Variants in DPF3 observed in about 807,000 individuals in gnomAD.
DPF3 encodes double PHD fingers 3.
In DPF3, 18 loss-of-function variants were observed where a neutral mutation model predicts 56.8. The ratio of observed to expected loss-of-function variants is 0.32; its 90% CI spans 0.22 to 0.47. The LOEUF is 0.47. Among genes scored for constraint, DPF3 ranks in the 20% least tolerant of loss-of-function variants. DPF3 has a pLI of 1.00. For synonymous variants in DPF3, 188 were observed against 180.2 expected (o/e 1.04, Z -0.35); for missense variants, 403 against 488.8 (o/e 0.82, Z 1.65).
chr14:72,873,004 A>G (rs933932213), intron 1 of DPF3, among the ~76,000 whole-genome samples: 1 of 152,258 alleles, frequency 6.6e-6, no homozygotes, highest in Non-Finnish European at 1.5e-5. Flanking sequence ...TTCAGGACAT[A>G]GGCATAGGCA....
At chr14:72,707,436 G>T (rs985095856) in intron 6 of DPF3, among the ~76,000 whole-genome samples, 1 of 152,274 alleles carries the variant, frequency 6.6e-6, no homozygotes, top group Middle Eastern at 3.4e-3. Flanking sequence ...AGTTTACAGG[G>T]GCAGTGCTTT....
At position 72,610,898 on chromosome 14, in the gene DPF3, C is replaced by T. The variant is rs1883684488; in HGVS notation, c.*8399G>A. ...TGCCTCACCCCTTCCACCAGCAGGG[C>T]CATTCAGAGAAGTCTTGGCTCAAAA... On this transcript the variant is annotated 3_prime_UTR_variant, in exon 11 of 11. Coordinates refer to ENST00000556509, the MANE Select transcript of DPF3 (RefSeq NM_001280542.3). Among the ~76,000 whole-genome samples, 1 of 152,216 alleles carries T rather than the reference C, an allele frequency of 6.6e-6. No homozygotes were observed. Among genetic ancestry groups the T allele is most frequent in the African/African-American group, 2.4e-5 (1 of 41,452 alleles).
chr14:72,892,514 ATTTC>A, intron 1 of DPF3: 1 of 1,393,652 alleles, frequency 7.2e-7, no homozygotes, highest in East Asian at 2.7e-5. Flanking sequence ...CCCTTTCCCT[ATTTC>A]TGATGGGCGA....
At chr14:72,843,739 TC>T (rs1456066890) in intron 1 of DPF3, among the ~76,000 whole-genome samples, 1 of 152,134 alleles carries the variant, frequency 6.6e-6, no homozygotes, top group Admixed American at 6.5e-5. Flanking sequence ...ATGGGGTTTC[TC>T]CATGTTGGTC....
At position 72,614,748 on chromosome 14, in the gene DPF3, T is replaced by C. The variant is rs1294650372; in HGVS notation, c.*4549A>G. Among the ~76,000 whole-genome samples, 3 of 115,216 alleles carry C rather than the reference T, an allele frequency of 2.6e-5. No individual in the cohort carries two copies. Among genetic ancestry groups the C allele is most frequent in the Non-Finnish European group, 5.0e-5 (3 of 59,586 alleles). 75.6% of individuals were successfully genotyped at this position (115,216 alleles called of 152,430 possible). ...CCTTTTTACAAAATAATAATAATAATAATCTGTTGCCCAGGATCACAAGCC... is the reference window on the plus strand; with the variant it reads ...CCTTTTTACAAAATAATAATAATAACAATCTGTTGCCCAGGATCACAAGCC... On this transcript the variant is annotated 3_prime_UTR_variant, in exon 11 of 11. Coordinates refer to ENST00000556509, the MANE Select transcript of DPF3 (RefSeq NM_001280542.3).
intron 6 of DPF3, among the ~76,000 whole-genome samples, chr14:72,699,939 G>A (rs1197622761): frequency 1.3e-5 from 2 of 152,184 alleles, no homozygotes; most frequent in Non-Finnish European, 2.9e-5. Context: ...GCCAGCTGTG[G>A]GAGGAGGAAA....
chr14:72,788,705 T>A (rs1337101745), intron 1 of DPF3, among the ~76,000 whole-genome samples: 1 of 152,154 alleles, frequency 6.6e-6, no homozygotes, highest in East Asian at 1.9e-4. Flanking sequence ...AACCTTTCTT[T>A]GCCTCTCCAG....
At chr14:72,715,978 G>A (rs979833862) in intron 5 of DPF3, among the ~76,000 whole-genome samples, 2 of 151,576 alleles carry the variant, frequency 1.3e-5, no homozygotes, top group African/African-American at 2.4e-5. Context: ...TGCCCGCACT[G>A]CCGAGGGTGG....
intron 1 of DPF3, among the ~76,000 whole-genome samples, chr14:72,882,981 G>T (rs1442260839): frequency 6.6e-6 from 1 of 152,210 alleles, no homozygotes; most frequent in African/African-American, 2.4e-5. Context: ...GAGTCAGGTG[G>T]CTGTGCTGAT....
chr14:72,768,370 G>A (rs562479679), intron 2 of DPF3, among the ~76,000 whole-genome samples: 3 of 152,096 alleles, frequency 2.0e-5, no homozygotes, highest in Admixed American at 1.3e-4. Context: ...AAGGGAGGAG[G>A]GTAAAAGGAT....
At chr14:72,715,186 C>T (rs1241227693) in intron 5 of DPF3, among the ~76,000 whole-genome samples, 1 of 152,210 alleles carries the variant, frequency 6.6e-6, no homozygotes, top group South Asian at 2.1e-4. Flanking sequence ...TGACGAAGAC[C>T]TTGACCCCCA....
intron 1 of DPF3, among the ~76,000 whole-genome samples, chr14:72,774,544 A>G (rs1368512186): frequency 6.6e-6 from 1 of 152,200 alleles, no homozygotes; most frequent in African/African-American, 2.4e-5. Flanking sequence ...CAAAGAGCTT[A>G]AAGCAAATAT....
intron 1 of DPF3, among the ~76,000 whole-genome samples, chr14:72,890,501 G>GATAATAATAATAATA (rs58089317): frequency 0.066 from 9,627 of 146,408 alleles, 456 homozygotes; most frequent in East Asian, 0.16. Context: ...AAAAAATAAT[G>GATAATAATAATAATA]ATAATAATAA....
chr14:72,797,572 G>T lies in DPF3; in HGVS notation c.33-25679C>A, dbSNP rs114835474. Among the ~76,000 whole-genome samples, 728 of 152,306 alleles carry T rather than the reference G, an allele frequency of 4.8e-3. 5 individuals carry two copies. The highest frequency in any genetic ancestry group is 0.016 in the African/African-American group (683 of 41,558). On this transcript the variant is annotated intron_variant, in intron 1 of 10. Transcript: ENST00000556509. ...AATAAATGTCATATGCTGGAAAACTGAAATCATGTAAGATCGCATAATTCT... is the reference window on the plus strand; with the variant it reads ...AATAAATGTCATATGCTGGAAAACTTAAATCATGTAAGATCGCATAATTCT...
At chr14:72,698,225 A>AG (rs1441859809) in intron 6 of DPF3, among the ~76,000 whole-genome samples, 158 of 152,356 alleles carry the variant, frequency 1.0e-3, no homozygotes, top group African/African-American at 3.7e-3. Flanking sequence ...ATGGTGTGAA[A>AG]GCAATACACA....
chr14:72,790,152 C>T (rs1044615844), intron 1 of DPF3, among the ~76,000 whole-genome samples: 2 of 151,978 alleles, frequency 1.3e-5, no homozygotes, highest in African/African-American at 2.4e-5. Flanking sequence ...TTTGGGAGGC[C>T]GAGATGGGAG....
intron 8 of DPF3, among the ~76,000 whole-genome samples, chr14:72,654,232 C>G (rs949167620): frequency 2.0e-5 from 3 of 152,080 alleles, no homozygotes; most frequent in Non-Finnish European, 4.4e-5. Flanking sequence ...TCACGCTCAT[C>G]TCTGCTCGGG....
intron 2 of DPF3, 46 bp from the exon 3 acceptor site, chr14:72,753,417 G>A: frequency 1.3e-6 from 2 of 1,508,660 alleles, no homozygotes; most frequent in East Asian, 2.4e-5. Context: ...AGGCTGGAAG[G>A]GGCCTTGGAA....
rs10543093 is a variant in DPF3 at position 72,768,933 on chromosome 14, CTGTGTGTGTGTG to C, written c.193+2788_193+2799del. On this transcript the variant is annotated intron_variant, in intron 2 of 10. Transcript: ENST00000556509. ...TTGTTCTGATACTGTGTGTGAGTGT[CTGTGTGTGTGTG>C]TGTGTGTGTGTGTGTGTGTGTGTGT... Among the ~76,000 whole-genome samples the C allele has an allele frequency of 5.7e-3, 840 of 146,510 alleles. 12 individuals carry two copies. The highest frequency in any genetic ancestry group is 0.02 in the African/African-American group (789 of 39,654).
Sources: allele counts gnomAD v4.1 joint callset (sites outside exome capture counted in the v4.1 genomes callset), GRCh38; gene constraint gnomAD v4.1.1; transcripts MANE v1.5; gene names NCBI Gene and HGNC (gene_info 2026-07-23, HGNC 2026-07-21).